GABRG2: variants seen among roughly 807,000 people sequenced by gnomAD.
GABRG2 encodes gamma-aminobutyric acid type A receptor subunit gamma2, also known as gamma-aminobutyric acid receptor subunit gamma-2.
GABRG2 carries 16 observed loss-of-function variants against 56.4 expected under a neutral mutation model. The observed-to-expected ratio is 0.28, with a 90% CI of 0.19 to 0.43. The LOEUF is 0.43. Among genes scored for constraint, GABRG2 ranks in the 20% least tolerant of loss-of-function variants. The pLI is 1.00. For missense variants in GABRG2, 327 were observed against 582.7 expected (o/e 0.56, Z 4.52); for synonymous variants, 208 against 205.5 (o/e 1.01, Z -0.10).
At chr5:162,115,890 A>C (rs184224267) in intron 6 of GABRG2, among the ~76,000 whole-genome samples, 75 of 152,210 alleles carry the variant, frequency 4.9e-4, no homozygotes, top group Non-Finnish European at 9.3e-4. Context: ...ATTGTGAAGC[A>C]CTTTCTATAC....
In GABRG2 at chr5:162,067,878, G is replaced by A. The variant is rs1758335666; in HGVS notation, c.-122G>A. 1 of 729,310 alleles carries A rather than the reference G, an allele frequency of 1.4e-6. No individual in the cohort carries two copies. Among genetic ancestry groups the A allele is most frequent in the African/African-American group, 1.7e-5 (1 of 57,220 alleles). The allele number at this position is 729,310 out of a possible 1,614,324, so 45.2% of individuals were successfully genotyped here. A position where few individuals can be genotyped will look rare whatever the true frequency, so the allele number is the denominator to read the frequency against. On this transcript the variant is annotated 5_prime_UTR_variant, in exon 1 of 10. Transcript: ENST00000639213. Reference sequence around the variant, plus strand: ...GGTAGCAATCCATCTCCCCAGTGAAGGACCTACTAGAGGCAGGTGGGGGGA... The same window carrying A: ...GGTAGCAATCCATCTCCCCAGTGAAAGACCTACTAGAGGCAGGTGGGGGGA...
In GABRG2 at chr5:162,099,023, A is replaced by G. The variant is rs1761211885; in HGVS notation, c.548+1165A>G. The G allele has an allele frequency of 2.0e-5, 3 of 152,106 alleles. No homozygotes were observed. In the South Asian group the frequency reaches 6.2e-4, roughly 32 times the overall value. 9.4% of individuals were successfully genotyped at this position (152,106 alleles called of 1,614,324 possible). A position where few individuals can be genotyped will look rare whatever the true frequency, so the allele number is the denominator to read the frequency against. ...TATAGTAAATATAGAAAATATTAAA[A>G]TTATTTATACATTTTCAATCAAAAT... On this transcript the variant is annotated intron_variant, in intron 4 of 9. Coordinates refer to ENST00000639213, the MANE Select transcript of GABRG2 (RefSeq NM_198904.4).
At chr5:162,090,268 GTACACGTACACT>G (rs1448280698) in intron 1 of GABRG2, among the ~76,000 whole-genome samples, 1 of 151,078 alleles carries the variant, frequency 6.6e-6, no homozygotes, top group African/African-American at 2.4e-5. Context: ...ACACGTACAC[GTACACGTACACT>G]TACACGTACA....
At position 162,128,833 on chromosome 5, in the gene GABRG2, A is replaced by G. The variant is rs116417190; in HGVS notation, c.770-13331A>G. On this transcript the variant is annotated intron_variant, in intron 6 of 9. Transcript: ENST00000639213. ...AATCTCTGTGCATGTCTTTTAATGG[A>G]ATGCCATTGTGAGAAATTTTTAAAT... Among the ~76,000 whole-genome samples the G allele has an allele frequency of 4.4e-3, 675 of 152,042 alleles. 7 individuals are homozygous for G. Among genetic ancestry groups the G allele is most frequent in the African/African-American group, 0.016 (651 of 41,504 alleles).
intron 6 of GABRG2, among the ~76,000 whole-genome samples, chr5:162,133,388 T>C (rs763790498): frequency 1.3e-5 from 2 of 152,108 alleles, no homozygotes; most frequent in Non-Finnish European, 2.9e-5. Flanking sequence ...TGTACCTTAT[T>C]ATCATGATTG....
chr5:162,149,958 A>G (rs536338671), intron 8 of GABRG2: 8 of 208,826 alleles, frequency 3.8e-5, no homozygotes, highest in African/African-American at 1.9e-4. Flanking sequence ...TAAAACTTCC[A>G]TCTCAGGCAT....
At chr5:162,109,536 C>G (rs1762109839) in intron 6 of GABRG2, among the ~76,000 whole-genome samples, 1 of 151,132 alleles carries the variant, frequency 6.6e-6, no homozygotes, top group South Asian at 2.1e-4. Flanking sequence ...CAGAAACCTT[C>G]TTTTAATCAT....
intron 1 of GABRG2, among the ~76,000 whole-genome samples, chr5:162,085,389 T>C (rs1004407464): frequency 1.3e-5 from 2 of 151,924 alleles, no homozygotes; most frequent in African/African-American, 4.8e-5. Context: ...ATGAGAAATA[T>C]TCCAGTTTAA....
In GABRG2 at chr5:162,153,273, C is replaced by T. The variant is rs1561662358; in HGVS notation, c.1333C>T (p.Arg445Cys). Residue 445 changes from arginine (R) to cysteine (C), a missense_variant, in exon 10 of 10, where the codon CGC (arginine) becomes TGC (cysteine). Physicochemically the swap from Arg to Cys is radical, Grantham distance 180. Around this residue, in one of 4 missense-constraint regions of GABRG2, gnomAD observed 108 missense variants for 144.2 expected, o/e 0.75. Transcript: ENST00000639213. ...GAWRHGRIHI[R>C]IAKMDSYARI... ...TTGGAGACATGGGAGGATACATATC[C>T]GCATTGCCAAAATGGACTCCTATGC... 6.2e-7 allele frequency: 1 copy of T among 1,613,920 alleles called. No individual in the cohort carries two copies. Among genetic ancestry groups the T allele is most frequent in the Non-Finnish European group, 8.5e-7 (1 of 1,179,932 alleles).
rs867980198 is a variant in GABRG2, at chr5:162,116,122, G to A, written c.769+12096G>A. Among the ~76,000 whole-genome samples, 913 of 150,816 alleles carry A rather than the reference G, an allele frequency of 6.1e-3. 12 individuals carry two copies. The highest frequency in any genetic ancestry group is 0.027 in the South Asian group (126 of 4,748). The stretch of plus-strand genomic sequence containing the variant: ...GGGGTGTGCGTGCATGTGTGTGTGT[G>A]TGTGTGTGTGTGTGTGTGTGTGTGT... On this transcript the variant is annotated intron_variant, in intron 6 of 9. Transcript: ENST00000639213.
intron 3 of GABRG2, among the ~76,000 whole-genome samples, chr5:162,097,046 C>T (rs1761049599): frequency 6.6e-6 from 1 of 152,064 alleles, no homozygotes; most frequent in African/African-American, 2.4e-5. Flanking sequence ...CAGTTAGATT[C>T]TTCATGATCC....
chr5:162,093,995 T>G lies in GABRG2; in HGVS notation c.259+16T>G, dbSNP rs750222277. 1 of 1,612,690 alleles carries G rather than the reference T, an allele frequency of 6.2e-7. No homozygotes were observed. On this transcript the variant is annotated intron_variant, in intron 2 of 9. Coordinates refer to ENST00000639213, the MANE Select transcript of GABRG2 (RefSeq NM_198904.4). ...GATATAGGAGGTTTGTTAAAGTCTT[T>G]TGCGTTGTGCTATAGATAGGAGCAC...
chr5:162,093,915 T>C lies in GABRG2; in HGVS notation c.195T>C (p.Asp65=). ...WVLTPKVPEG[D]VTVILNNLLE... ...TGACTCCAAAAGTTCCTGAGGGTGA[T>C]GTCACTGTCATCTTAAACAACCTGC... Residue 65 remains aspartate (D), a synonymous_variant, in exon 2 of 10, where the codon GAT becomes GAC. Coordinates refer to ENST00000639213, the MANE Select transcript of GABRG2 (RefSeq NM_198904.4). 6.2e-7 allele frequency: 1 copy of C among 1,613,358 alleles called. No individual in the cohort carries two copies. The highest frequency in any genetic ancestry group is 2.2e-5 in the East Asian group (1 of 44,800).
intron 1 of GABRG2, among the ~76,000 whole-genome samples, chr5:162,082,072 G>C (rs1424910286): frequency 6.6e-6 from 1 of 151,782 alleles, no homozygotes; most frequent in Non-Finnish European, 1.5e-5. Flanking sequence ...GTACATACTT[G>C]ATTGAATTAA....
chr5:162,069,167 C>A (rs1421476200), intron 1 of GABRG2, among the ~76,000 whole-genome samples: 2 of 152,144 alleles, frequency 1.3e-5, no homozygotes, highest in African/African-American at 4.8e-5. Flanking sequence ...TCCATGCAGC[C>A]TAGCTGACTA....
At chr5:162,135,489 G>T (rs1359497039) in intron 6 of GABRG2, among the ~76,000 whole-genome samples, 2 of 152,140 alleles carry the variant, frequency 1.3e-5, no homozygotes, top group Non-Finnish European at 2.9e-5. Context: ...CAGGCACTGT[G>T]CTAGATGCTC....
intron 1 of GABRG2, among the ~76,000 whole-genome samples, chr5:162,085,570 A>ACTTTTTTTTTTTT (rs1760021976): frequency 1.0e-5 from 1 of 98,926 alleles, no homozygotes. Flanking sequence ...TTTTTTTTTT[A>ACTTTTTTTTTTTT]CTTTTTTTTT....
At chr5:162,140,031 C>A (rs1179446892) in intron 6 of GABRG2, among the ~76,000 whole-genome samples, 1 of 152,120 alleles carries the variant, frequency 6.6e-6, no homozygotes, top group Non-Finnish European at 1.5e-5. Context: ...TAAATTAGGA[C>A]AAAAGCAGGG....
chr5:162,114,063 C>G (rs1325888694), intron 6 of GABRG2, among the ~76,000 whole-genome samples: 1 of 152,148 alleles, frequency 6.6e-6, no homozygotes, highest in African/African-American at 2.4e-5. Flanking sequence ...AGTTAAATTT[C>G]ATTTTATTTC....
Sources: allele counts gnomAD v4.1 joint callset (sites outside exome capture counted in the v4.1 genomes callset), GRCh38; gene constraint gnomAD v4.1.1; regional missense constraint gnomAD v4.1.1; transcripts MANE v1.5; gene names NCBI Gene and HGNC (gene_info 2026-07-23, HGNC 2026-07-21).